The following ABCA12 variants were observed in gnomAD, a reference collection of about 807,000 sequenced individuals.
The protein encoded by ABCA12 is ATP binding cassette subfamily A member 12.
ABCA12 carries 156 observed loss-of-function variants against 293.5 expected under a neutral mutation model. That is an observed-to-expected ratio of 0.53 (90% CI 0.47 to 0.61). The LOEUF (loss-of-function observed/expected upper bound fraction) is 0.61, where lower values mean the gene tolerates loss of function less well. ABCA12 is among the 20% of genes least tolerant of loss of function. The pLI is 0.00. For missense variants in ABCA12, 2,797 were observed against 3,090.2 expected (o/e 0.91, Z 2.25); for synonymous variants, 1,063 against 1,108.0 (o/e 0.96, Z 0.81).
chr2:215,008,451 T>A (rs2105998079), intron 18 of ABCA12, among the ~76,000 whole-genome samples: 1 of 151,954 alleles, frequency 6.6e-6, no homozygotes, highest in Non-Finnish European at 1.5e-5. Context: ...CAACACCTGA[T>A]GATTGGATGA....
chr2:215,014,037 C>T (rs920545878), intron 15 of ABCA12, among the ~76,000 whole-genome samples: 1 of 151,970 alleles, frequency 6.6e-6, no homozygotes, highest in Non-Finnish European at 1.5e-5. Flanking sequence ...AAAAATTAGC[C>T]GGGTGTGGTA....
intron 45 of ABCA12, 81 bp downstream of exon 45, chr2:214,950,798 C>T: frequency 6.8e-7 from 1 of 1,480,454 alleles, no homozygotes; most frequent in East Asian, 2.3e-5. Context: ...AGCCACTGTA[C>T]CTGGCCAATA....
At chr2:215,032,058 T>C in intron 8 of ABCA12, 162 bp from the exon 9 acceptor site, 2 of 1,488,620 alleles carry the variant, frequency 1.3e-6, no homozygotes, top group Non-Finnish European at 1.8e-6. Context: ...GCTCTTTTGT[T>C]GGAAATATTT....
In ABCA12 at chr2:214,989,273, G is replaced by T. The variant is rs1219356078; in HGVS notation, c.3829+56C>A. On this transcript the variant is annotated intron_variant, in intron 26 of 52. Coordinates refer to ENST00000272895, the MANE Select transcript of ABCA12 (RefSeq NM_173076.3). ...AAAATATTAGAACATATTATTAGTT[G>T]ATTTATATTGAAGTCAACCATAAAA... The T allele has an allele frequency of 9.7e-6, 15 of 1,547,772 alleles. 1 individual carries two copies. In the South Asian group the frequency reaches 1.5e-4, roughly 16 times the overall value.
At chr2:214,984,614 C>T (rs1164288599) in intron 28 of ABCA12, among the ~76,000 whole-genome samples, 3 of 152,224 alleles carry the variant, frequency 2.0e-5, no homozygotes, top group East Asian at 1.9e-4. Flanking sequence ...TGTTTAAAAC[C>T]GAGCTCATGA....
chr2:214,957,934 G>C (rs1198985174), intron 41 of ABCA12, among the ~76,000 whole-genome samples: 1 of 152,120 alleles, frequency 6.6e-6, no homozygotes, highest in Non-Finnish European at 1.5e-5. Context: ...CTGACTGTAA[G>C]ACTTCAGCGT....
chr2:215,039,744 G>T (rs1268437508), intron 7 of ABCA12, among the ~76,000 whole-genome samples: 1 of 151,186 alleles, frequency 6.6e-6, no homozygotes, highest in East Asian at 1.9e-4. Flanking sequence ...AACAGAGCAA[G>T]ACTCCTTCTC....
chr2:215,074,238 T>C (rs1523713), intron 2 of ABCA12, among the ~76,000 whole-genome samples: 5,341 of 152,298 alleles, frequency 0.035, 309 homozygotes, highest in African/African-American at 0.12. Flanking sequence ...AGAAACGTCT[T>C]ACATAAGAAA....
intron 39 of ABCA12, among the ~76,000 whole-genome samples, chr2:214,961,582 A>G (rs1332318856): frequency 6.6e-6 from 1 of 152,112 alleles, no homozygotes; most frequent in African/African-American, 2.4e-5. Flanking sequence ...AGTTATTTCT[A>G]TAGTTCTTAT....
At chr2:215,017,282 T>G (rs993147091) in intron 14 of ABCA12, among the ~76,000 whole-genome samples, 4 of 152,204 alleles carry the variant, frequency 2.6e-5, no homozygotes, top group Non-Finnish European at 4.4e-5. Flanking sequence ...TTTGGAAAAT[T>G]TCCATGACAC....
chr2:215,090,600 G>A lies in ABCA12; in HGVS notation c.163+20997C>T, dbSNP rs540504222. 1.2e-4 allele frequency among the ~76,000 whole-genome samples: 18 copies of A among 152,210 alleles called. No homozygotes were observed. The South Asian group carries it at 3.7e-3, about 32-fold the overall frequency. On this transcript the variant is annotated intron_variant, in intron 2 of 52. Transcript: ENST00000272895. Reference sequence around the variant, plus strand: ...ACTCAAAACTCCAGCGCCGGTCACAGACTCGAGAAGACAGTCTTCCCTTGG... The same window carrying A: ...ACTCAAAACTCCAGCGCCGGTCACAAACTCGAGAAGACAGTCTTCCCTTGG...
At chr2:214,993,884 A>C (rs1699979391) in intron 23 of ABCA12, among the ~76,000 whole-genome samples, 1 of 152,218 alleles carries the variant, frequency 6.6e-6, no homozygotes, top group African/African-American at 2.4e-5. Flanking sequence ...AGGCTTGAAC[A>C]CCAGGACTAA....
intron 21 of ABCA12, 35 bp downstream of exon 21, chr2:215,001,521 CAA>C (rs986846219): frequency 1.2e-6 from 2 of 1,612,992 alleles, no homozygotes; most frequent in Non-Finnish European, 1.7e-6. Flanking sequence ...AATTTTAGCA[CAA>C]AGAGATGCTC....
intron 51 of ABCA12, among the ~76,000 whole-genome samples, chr2:214,936,336 A>G (rs1338725985): frequency 6.6e-6 from 1 of 152,136 alleles, no homozygotes; most frequent in Non-Finnish European, 1.5e-5. Flanking sequence ...GAGGTCTTGG[A>G]ATGTATCACC....
In ABCA12 at chr2:215,064,236, A is replaced by G. The variant is rs960545754; in HGVS notation, c.164-17T>C. 4 of 1,611,536 alleles carry G rather than the reference A, an allele frequency of 2.5e-6. No individual in the cohort carries two copies. The highest frequency in any genetic ancestry group is 3.4e-6 in the Non-Finnish European group (4 of 1,178,416). On this transcript the variant is annotated splice_polypyrimidine_tract_variant and intron_variant, in intron 2 of 52. Coordinates refer to ENST00000272895, the MANE Select transcript of ABCA12 (RefSeq NM_173076.3). ...CGAGGTAACCTAAAATTAAAAAAAC[A>G]GTCATTACATCAGTATGGCACATTT...
At chr2:214,992,047 A>C (rs1354741670) in intron 23 of ABCA12, among the ~76,000 whole-genome samples, 1 of 152,182 alleles carries the variant, frequency 6.6e-6, no homozygotes, top group Non-Finnish European at 1.5e-5. Context: ...AATACAAATA[A>C]AAATAAAAAG....
intron 19 of ABCA12, among the ~76,000 whole-genome samples, chr2:215,005,097 T>C (rs1700225009): frequency 6.6e-6 from 1 of 152,212 alleles, no homozygotes; most frequent in East Asian, 1.9e-4. Flanking sequence ...CACCGTCTTA[T>C]AGAGTTTAAC....
intron 2 of ABCA12, among the ~76,000 whole-genome samples, chr2:215,087,927 C>G (rs1291337031): frequency 6.6e-6 from 1 of 152,174 alleles, no homozygotes; most frequent in African/African-American, 2.4e-5. Context: ...CAGCTGTCTG[C>G]ATTTTACATG....
At chr2:215,053,801 G>T (rs139019893) in intron 4 of ABCA12, among the ~76,000 whole-genome samples, 1 of 152,078 alleles carries the variant, frequency 6.6e-6, no homozygotes, top group East Asian at 1.9e-4. Context: ...CAGCCCCTAA[G>T]ACAGTGGCTG....
Sources: gnomAD v4.1 joint callset for allele counts (sites outside exome capture counted in the v4.1 genomes callset) on GRCh38, gnomAD v4.1.1 for gene constraint, MANE v1.5 for transcripts, NCBI Gene and HGNC (gene_info 2026-07-23, HGNC 2026-07-21) for gene names.